TMEM116: variants seen among roughly 807,000 people sequenced by gnomAD.
TMEM116 encodes the protein transmembrane protein 116.
TMEM116 carries 38 observed loss-of-function variants against 44.3 expected under a neutral mutation model. The observed-to-expected ratio is 0.86, with a 90% CI of 0.66 to 1.12. The LOEUF (loss-of-function observed/expected upper bound fraction) is 1.12, where lower values mean the gene tolerates loss of function less well. Among genes scored for constraint, TMEM116 ranks in the 50% most tolerant of loss-of-function variants. TMEM116 has a pLI of 0.00. For synonymous variants in TMEM116, 132 were observed against 144.8 expected (o/e 0.91, Z 0.64); for missense variants, 354 against 401.7 (o/e 0.88, Z 1.01).
intron 2 of TMEM116, among the ~76,000 whole-genome samples, chr12:112,004,356 C>A (rs2077458953): frequency 6.6e-6 from 1 of 151,970 alleles, no homozygotes; most frequent in Non-Finnish European, 1.5e-5. Context: ...ACAATCATAG[C>A]TCACTGCAGC....
At chr12:111,959,931 A>C (rs551671230) in intron 4 of TMEM116, among the ~76,000 whole-genome samples, 1 of 152,172 alleles carries the variant, frequency 6.6e-6, no homozygotes, top group East Asian at 1.9e-4. Flanking sequence ...CACTGTCGAT[A>C]TTAGATCAAC....
chr12:111,959,422 G>A (rs577843986), intron 4 of TMEM116, among the ~76,000 whole-genome samples: 3 of 152,286 alleles, frequency 2.0e-5, no homozygotes, highest in Admixed American at 6.5e-5. Flanking sequence ...TCGACACTAC[G>A]AAGAAACTGC....
chr12:111,968,728 C>T (rs2075127116), intron 4 of TMEM116, among the ~76,000 whole-genome samples: 1 of 152,190 alleles, frequency 6.6e-6, no homozygotes, highest in African/African-American at 2.4e-5. Flanking sequence ...AGTGCAATGG[C>T]TCATGCCTGT....
chr12:111,938,361 AATAG>A (rs1361622720), intron 5 of TMEM116, 151 bp from the exon 6 acceptor site: 13 of 502,928 alleles, frequency 2.6e-5, no homozygotes, highest in Non-Finnish European at 3.8e-5. Flanking sequence ...AAATTCATCA[AATAG>A]ATAGTTCCTT....
intron 4 of TMEM116, among the ~76,000 whole-genome samples, chr12:111,981,508 T>C (rs1393925866): frequency 3.3e-5 from 5 of 152,216 alleles, no homozygotes; most frequent in African/African-American, 7.2e-5. Flanking sequence ...GTCTGGTCCT[T>C]CCCTGCAGGA....
rs374219535 is a variant in TMEM116 at position 111,933,838 on chromosome 12, C to G, written c.733+48G>C. On this transcript the variant is annotated intron_variant, in intron 9 of 10. Transcript: ENST00000552374. ...TGAGACCACTTTGCTTGATCAGAAC[C>G]TAATAACTGCCCTCTTCACTGCCCA... 2.5e-6 allele frequency: 4 copies of G among 1,607,154 alleles called. No individual in the cohort carries two copies. The African/African-American group carries it at 5.4e-5, about 22-fold the overall frequency.
chr12:111,979,460 C>G (rs1200612036), intron 4 of TMEM116, among the ~76,000 whole-genome samples: 1 of 152,046 alleles, frequency 6.6e-6, no homozygotes, highest in African/African-American at 2.4e-5. Flanking sequence ...AAACAGAAAG[C>G]AGACTGGTGG....
intron 5 of TMEM116, among the ~76,000 whole-genome samples, chr12:111,941,618 A>G (rs980824428): frequency 6.6e-6 from 1 of 152,182 alleles, no homozygotes; most frequent in Non-Finnish European, 1.5e-5. Context: ...AAATATTTTT[A>G]TTATTGAAAA....
intron 4 of TMEM116, among the ~76,000 whole-genome samples, chr12:111,976,802 G>T (rs1355945763): frequency 6.6e-6 from 1 of 152,016 alleles, no homozygotes; most frequent in Non-Finnish European, 1.5e-5. Context: ...AACATTAAAC[G>T]TCAAAAATAC....
intron 3 of TMEM116, among the ~76,000 whole-genome samples, chr12:111,997,644 A>C (rs924935252): frequency 3.3e-5 from 5 of 152,324 alleles, no homozygotes; most frequent in African/African-American, 1.2e-4. Flanking sequence ...TGTACAAAAC[A>C]GAATTTTTCT....
At chr12:111,988,836 C>T (rs980044517) in intron 4 of TMEM116, among the ~76,000 whole-genome samples, 4 of 147,824 alleles carry the variant, frequency 2.7e-5, no homozygotes, top group African/African-American at 1.0e-4. Flanking sequence ...CTAAAAAATA[C>T]AAAAAATAAG....
At chr12:111,993,223 C>T in intron 3 of TMEM116, 1 of 420,660 alleles carries the variant, frequency 2.4e-6, no homozygotes. Flanking sequence ...TGTGGTCTGA[C>T]ACACACTGCG....
chr12:111,964,609 C>T (rs986907502), intron 4 of TMEM116, among the ~76,000 whole-genome samples: 2 of 152,168 alleles, frequency 1.3e-5, no homozygotes, highest in Non-Finnish European at 2.9e-5. Flanking sequence ...TCTCTTAAGT[C>T]TGCTCCAGTG....
rs1158128587 is a variant in TMEM116 at position 111,966,632 on chromosome 12, A to G, written c.211-23263T>C. On this transcript the variant is annotated intron_variant, in intron 4 of 10. Coordinates refer to ENST00000552374, the MANE Select transcript of TMEM116 (RefSeq NM_001193531.2). ...GTGTTAGACCACATAAAATGGGGCT[A>G]TGGTTTGGTACTGACCCAGATCTCC... Among the ~76,000 whole-genome samples, 4 of 152,190 alleles carry G rather than the reference A, an allele frequency of 2.6e-5. No homozygotes were observed. In the East Asian group the frequency reaches 7.7e-4, roughly 29 times the overall value.
intron 1 of TMEM116, chr12:112,005,594 G>A: frequency 1.5e-6 from 1 of 678,622 alleles, no homozygotes; most frequent in Non-Finnish European, 1.8e-6. Flanking sequence ...AGGCACTGAG[G>A]CTCATACCTG....
chr12:112,007,345 C>T lies in TMEM116; in HGVS notation c.-33-2042G>A, dbSNP rs142524265. 1.9e-3 allele frequency among the ~76,000 whole-genome samples: 289 copies of T among 152,192 alleles called. 2 individuals carry two copies. Among genetic ancestry groups the T allele is most frequent in the African/African-American group, 6.6e-3 (275 of 41,504 alleles). ...ATGAGAATCACTTGAACCCAGGAGG[C>T]GGAGGTTGCAATGAGCTGAGATCAT... On this transcript the variant is annotated intron_variant, in intron 1 of 10. Coordinates refer to ENST00000552374, the MANE Select transcript of TMEM116 (RefSeq NM_001193531.2).
intron 4 of TMEM116, among the ~76,000 whole-genome samples, chr12:111,982,854 C>G (rs756627195): frequency 3.3e-5 from 5 of 152,156 alleles, no homozygotes; most frequent in Non-Finnish European, 7.3e-5. Flanking sequence ...AACCAATCTG[C>G]AAAGACCATG....
chr12:111,993,071 G>A (rs1452290129), intron 3 of TMEM116: 4 of 180,246 alleles, frequency 2.2e-5, no homozygotes, highest in South Asian at 1.2e-4. Flanking sequence ...ATGGCCTCAC[G>A]GACCTCCACA....
chr12:112,011,435 T>C (rs376532988), intron 1 of TMEM116: 2 of 152,404 alleles, frequency 1.3e-5, no homozygotes, highest in South Asian at 4.1e-4. Context: ...GTTGACTATT[T>C]ATACACATAC....
Sources: gnomAD v4.1 joint callset for allele counts (sites outside exome capture counted in the v4.1 genomes callset) on GRCh38, gnomAD v4.1.1 for gene constraint, MANE v1.5 for transcripts, NCBI Gene and HGNC (gene_info 2026-07-23, HGNC 2026-07-21) for gene names.